STXBP6: variants seen among roughly 807,000 people sequenced by gnomAD.
The protein encoded by STXBP6 is syntaxin binding protein 6, also known as syntaxin-binding protein 6.
Under a neutral mutation model 26.9 loss-of-function variants are expected in STXBP6, and 21 were observed. The ratio of observed to expected loss-of-function variants is 0.78; its 90% confidence interval spans 0.55 to 1.12. The LOEUF (loss-of-function observed/expected upper bound fraction) is 1.12. Ranked by LOEUF, STXBP6 falls within the 50% of genes most tolerant of loss-of-function variation. STXBP6 has a pLI of 0.00. For missense variants in STXBP6, 232 were observed against 257.9 expected (o/e 0.90, Z 0.69); for synonymous variants, 97 against 92.6 (o/e 1.05, Z -0.27).
chr14:24,812,420 A>C lies in STXBP6; in HGVS notation c.*289T>G, dbSNP rs899822359. ...AAACTACAAAAAATATTTTTTAATA[A>C]AGAAAACATATTCAAAACATACATA... is the stretch of plus-strand genomic sequence containing the variant. On this transcript the variant is annotated 3_prime_UTR_variant, in exon 6 of 6. Coordinates refer to ENST00000323944, the MANE Select transcript of STXBP6 (RefSeq NM_001394410.1). The C allele has an allele frequency of 2.6e-4, 74 of 286,002 alleles. No homozygotes were observed. The highest frequency in any genetic ancestry group is 1.5e-3 in the African/African-American group (70 of 46,114). The allele number at this position is 286,002 out of a possible 1,614,324, so 17.7% of individuals were successfully genotyped here. A position where few individuals can be genotyped will look rare whatever the true frequency, so the allele number is the denominator to read the frequency against.
intron 1 of STXBP6, among the ~76,000 whole-genome samples, chr14:25,002,359 C>CTTTTTTTTTTTTTTTTTTTTTTTT (rs747010332): frequency 1.9e-4 from 23 of 121,358 alleles, no homozygotes; most frequent in Non-Finnish European, 2.7e-4. Context: ...ATTCTTATGA[C>CTTTTTTTTTTTTTTTTTTTTTTTT]TTTTTTTTTT....
At chr14:24,966,901 C>A (rs760744641) in intron 2 of STXBP6, among the ~76,000 whole-genome samples, 3 of 152,136 alleles carry the variant, frequency 2.0e-5, no homozygotes, top group Non-Finnish European at 2.9e-5. Flanking sequence ...CACCACCCAG[C>A]CAAAACCAAC....
chr14:25,049,050 A>T lies in STXBP6; in HGVS notation c.-33+828T>A. 1 of 580,256 alleles carries T rather than the reference A, an allele frequency of 1.7e-6. No homozygotes were observed. Among genetic ancestry groups the T allele is most frequent in the Non-Finnish European group, 2.2e-6 (1 of 459,552 alleles). 35.9% of individuals were successfully genotyped at this position (580,256 alleles called of 1,614,324 possible). A position where few individuals can be genotyped will look rare whatever the true frequency, so the allele number is the denominator to read the frequency against. On this transcript the variant is annotated intron_variant, in intron 1 of 5. Coordinates refer to ENST00000323944, the MANE Select transcript of STXBP6 (RefSeq NM_001394410.1). The surrounding 1 kb of genome is among the most constrained non-coding windows in gnomAD (Gnocchi z 5.6). Reference sequence around the variant, plus strand: ...AAATCCTGGGGCCAGAACCAAGGGCAGATACACCCCGGGGACTTTCTCCTA... The same window carrying T: ...AAATCCTGGGGCCAGAACCAAGGGCTGATACACCCCGGGGACTTTCTCCTA...
chr14:24,878,496 T>C (rs2070230151), intron 2 of STXBP6, among the ~76,000 whole-genome samples: 1 of 152,152 alleles, frequency 6.6e-6, no homozygotes, highest in Non-Finnish European at 1.5e-5. Flanking sequence ...TTTTATCCTA[T>C]ACCAAATTCT....
At position 24,916,426 on chromosome 14, in the gene STXBP6, C is replaced by T. The variant is rs534238028; in HGVS notation, c.154+58239G>A. On this transcript the variant is annotated intron_variant, in intron 2 of 5. Coordinates refer to ENST00000323944, the MANE Select transcript of STXBP6 (RefSeq NM_001394410.1). Reference sequence around the variant, plus strand: ...GAGACATCACTGTGACATCATCAGACACACATAAATTTGGTCTTTGCAACT... The same window carrying T: ...GAGACATCACTGTGACATCATCAGATACACATAAATTTGGTCTTTGCAACT... 4.3e-4 allele frequency among the ~76,000 whole-genome samples: 66 copies of T among 152,228 alleles called. 2 individuals are homozygous for T. The highest frequency in any genetic ancestry group is 4.3e-3 in the Admixed American group (66 of 15,270).
At chr14:24,982,185 TC>T (rs1251799437) in intron 1 of STXBP6, among the ~76,000 whole-genome samples, 2 of 152,190 alleles carry the variant, frequency 1.3e-5, no homozygotes, top group Non-Finnish European at 2.9e-5. Flanking sequence ...GGAAGACCTA[TC>T]AAAATACATT....
At chr14:24,978,991 G>A (rs1347518504) in intron 1 of STXBP6, among the ~76,000 whole-genome samples, 1 of 152,184 alleles carries the variant, frequency 6.6e-6, no homozygotes, top group African/African-American at 2.4e-5. Context: ...GTAGTAGTAG[G>A]AACTGCAGCA....
chr14:24,990,173 C>G (rs1816056972), intron 1 of STXBP6, among the ~76,000 whole-genome samples: 1 of 152,122 alleles, frequency 6.6e-6, no homozygotes, highest in Admixed American at 6.5e-5. Context: ...AGTTACGAGC[C>G]AGGCCGGGGA....
chr14:24,937,138 G>A (rs569535960), intron 2 of STXBP6, among the ~76,000 whole-genome samples: 38 of 152,302 alleles, frequency 2.5e-4, no homozygotes, highest in African/African-American at 8.7e-4. Flanking sequence ...AGGGCCTGTC[G>A]GCGGGTGAGG....
At chr14:25,032,738 C>T (rs2075482090) in intron 1 of STXBP6, among the ~76,000 whole-genome samples, 1 of 152,198 alleles carries the variant, frequency 6.6e-6, no homozygotes, top group Non-Finnish European at 1.5e-5. Context: ...AAATACATAA[C>T]CCTCACAGAC....
rs553635952 is a variant in STXBP6 at position 24,856,725 on chromosome 14, T to C, written c.285+302A>G. Among the ~76,000 whole-genome samples, 36 of 151,996 alleles carry C rather than the reference T, an allele frequency of 2.4e-4. No homozygotes were observed. In the East Asian group the frequency reaches 3.9e-3, roughly 16 times the overall value. On this transcript the variant is annotated intron_variant, in intron 3 of 5. Coordinates refer to ENST00000323944, the MANE Select transcript of STXBP6 (RefSeq NM_001394410.1). ...GTTTTGGTAAACATGTTTTTTTTTT[T>C]CCATATTGATAACCATCGATATGAT...
intron 3 of STXBP6, 30 bp downstream of exon 3, chr14:24,856,997 C>G (rs748027761): frequency 1.2e-6 from 2 of 1,604,888 alleles, no homozygotes; most frequent in Non-Finnish European, 1.7e-6. Context: ...GAAAAGAATG[C>G]CTTTGCTCAG....
chr14:25,035,199 T>A (rs1198351067), intron 1 of STXBP6, among the ~76,000 whole-genome samples: 1 of 151,870 alleles, frequency 6.6e-6, no homozygotes, highest in African/African-American at 2.4e-5. Flanking sequence ...TAGACAGTTG[T>A]ACCTGTGAGA....
intron 2 of STXBP6, among the ~76,000 whole-genome samples, chr14:24,899,721 C>T (rs1421167337): frequency 3.1e-5 from 4 of 131,060 alleles, no homozygotes; most frequent in Non-Finnish European, 4.6e-5. Flanking sequence ...GCAGAGGTTG[C>T]AGTGAGCCGA....
At chr14:24,821,591 T>C (rs2068136974) in intron 4 of STXBP6, among the ~76,000 whole-genome samples, 1 of 152,238 alleles carries the variant, frequency 6.6e-6, no homozygotes, top group Non-Finnish European at 1.5e-5. Context: ...TTTCATTTCC[T>C]TGGTTGAAAT....
chr14:25,033,932 C>T (rs922440907), intron 1 of STXBP6, among the ~76,000 whole-genome samples: 5 of 152,142 alleles, frequency 3.3e-5, no homozygotes, highest in African/African-American at 1.2e-4. Context: ...TGAGAAAATG[C>T]AGGTATATGG....
chr14:24,865,909 G>A (rs1431212689), intron 2 of STXBP6, among the ~76,000 whole-genome samples: 1 of 152,122 alleles, frequency 6.6e-6, no homozygotes, highest in Non-Finnish European at 1.5e-5. Context: ...TGTATTACTC[G>A]AAGGTAGAGT....
intron 1 of STXBP6, among the ~76,000 whole-genome samples, chr14:24,996,657 G>A (rs1190979641): frequency 6.6e-6 from 1 of 151,736 alleles, no homozygotes; most frequent in Non-Finnish European, 1.5e-5. Flanking sequence ...TTTGAGACCA[G>A]CCTGACCAAC....
At chr14:24,955,836 A>G (rs1178156087) in intron 2 of STXBP6, among the ~76,000 whole-genome samples, 1 of 152,194 alleles carries the variant, frequency 6.6e-6, no homozygotes, top group African/African-American at 2.4e-5. Flanking sequence ...GTGCCAGGAA[A>G]TAAGTAAGCC....
Sources: allele counts gnomAD v4.1 joint callset (sites outside exome capture counted in the v4.1 genomes callset), GRCh38; gene constraint gnomAD v4.1.1; non-coding constraint Gnocchi (gnomAD v3.1); transcripts MANE v1.5; gene names NCBI Gene and HGNC (gene_info 2026-07-23, HGNC 2026-07-21).